The following KAT6B variants were observed in gnomAD, a reference collection of about 807,000 sequenced individuals.
KAT6B encodes the protein histone acetyltransferase KAT6B.
Under a neutral mutation model 187.5 loss-of-function variants are expected in KAT6B, and 10 were observed. That is an observed-to-expected ratio of 0.05 (90% CI 0.03 to 0.09). The LOEUF is 0.09. Among genes scored for constraint, KAT6B ranks in the 10% least tolerant of loss-of-function variants. The pLI, the probability that KAT6B is intolerant of heterozygous loss-of-function variation, is 1.00. For synonymous variants in KAT6B, 861 were observed against 926.8 expected (o/e 0.93, Z 1.29); for missense variants, 1,952 against 2,558.9 (o/e 0.76, Z 5.12).
intron 3 of KAT6B, among the ~76,000 whole-genome samples, chr10:74,910,246 C>CAAGA (rs1847104224): frequency 6.6e-6 from 1 of 152,154 alleles, no homozygotes; most frequent in Non-Finnish European, 1.5e-5. Flanking sequence ...TGCGGTGAGC[C>CAAGA]AAGATCGTGC....
intron 6 of KAT6B, among the ~76,000 whole-genome samples, chr10:74,971,403 T>C (rs1244929073): frequency 6.6e-6 from 1 of 152,146 alleles, no homozygotes; most frequent in Non-Finnish European, 1.5e-5. Context: ...CTAAGACACA[T>C]TTTTTTAATG....
intron 3 of KAT6B, among the ~76,000 whole-genome samples, chr10:74,910,982 G>A (rs1847162492): frequency 6.6e-6 from 1 of 152,092 alleles, no homozygotes; most frequent in African/African-American, 2.4e-5. Context: ...CTTCTTGGAA[G>A]AATATATTTT....
At chr10:75,024,856 G>GTT (rs1845697336) in intron 16 of KAT6B, 102 bp from the exon 17 acceptor site, 1 of 1,098,148 alleles carries the variant, frequency 9.1e-7, no homozygotes, top group East Asian at 2.5e-5. Context: ...GTCACCACGT[G>GTT]TAAGATTCTC....
chr10:74,917,632 A>T (rs1234464464), intron 3 of KAT6B, among the ~76,000 whole-genome samples: 1 of 152,226 alleles, frequency 6.6e-6, no homozygotes, highest in African/African-American at 2.4e-5. Context: ...AGTAATGCTA[A>T]AACAATGTAG....
chr10:74,903,247 C>G (rs1371177101), intron 3 of KAT6B, among the ~76,000 whole-genome samples: 1 of 152,232 alleles, frequency 6.6e-6, no homozygotes, highest in East Asian at 1.9e-4. Flanking sequence ...TGACCCTGCC[C>G]TTTGTATTAT....
intron 3 of KAT6B, among the ~76,000 whole-genome samples, chr10:74,889,774 C>T (rs573533986): frequency 5.8e-4 from 89 of 152,318 alleles, no homozygotes; most frequent in African/African-American, 2.1e-3. Context: ...AGGAGATGAC[C>T]TGCCATAGGT....
At chr10:74,915,296 A>G (rs1847593451) in intron 3 of KAT6B, among the ~76,000 whole-genome samples, 4 of 152,146 alleles carry the variant, frequency 2.6e-5, no homozygotes, top group African/African-American at 9.7e-5. Flanking sequence ...TCTTCACCCC[A>G]TTGCACATCC....
chr10:74,917,363 C>T (rs75925820), intron 3 of KAT6B, among the ~76,000 whole-genome samples: 4,792 of 152,218 alleles, frequency 0.031, 116 homozygotes, highest in Middle Eastern at 0.048. Context: ...TGACTTTCAC[C>T]GGTTTTTCAC....
chr10:74,824,943 G>A (rs1246502983), upstream of KAT6B, among the ~76,000 whole-genome samples: 1 of 149,526 alleles, frequency 6.7e-6, no homozygotes, highest in Non-Finnish European at 1.5e-5. Context: ...CCCAGAACGC[G>A]GCTGAGCTCG....
chr10:74,984,953 GTT>G (rs1842725858), intron 11 of KAT6B, 125 bp from the exon 12 acceptor site: 4 of 875,392 alleles, frequency 4.6e-6, no homozygotes, highest in Non-Finnish European at 7.4e-6. Context: ...TTAATAGAGT[GTT>G]TTAATCTCTC....
intron 3 of KAT6B, among the ~76,000 whole-genome samples, chr10:74,850,846 C>T (rs1003200136): frequency 2.0e-5 from 3 of 152,130 alleles, no homozygotes; most frequent in Non-Finnish European, 4.4e-5. Context: ...AAAATAAATT[C>T]CATAGTATTT....
At chr10:74,984,479 G>A (rs965187307) in intron 11 of KAT6B, 1 of 153,816 alleles carries the variant, frequency 6.5e-6, no homozygotes, top group African/African-American at 2.4e-5. Flanking sequence ...TGTAATCATA[G>A]TGCTTATTGT....
chr10:74,882,138 T>C (rs1178581087), intron 3 of KAT6B, among the ~76,000 whole-genome samples: 1 of 152,242 alleles, frequency 6.6e-6, no homozygotes, highest in South Asian at 2.1e-4. Context: ...TTAACTTCAC[T>C]TAAGAGCTGA....
At chr10:74,849,661 A>G (rs1041839569) in intron 3 of KAT6B, among the ~76,000 whole-genome samples, 1 of 152,272 alleles carries the variant, frequency 6.6e-6, no homozygotes, top group African/African-American at 2.4e-5. Context: ...AATGTAAAAC[A>G]AAATAAAAAT....
rs756912762 is a variant in KAT6B at position 74,843,241 on chromosome 10, C to T, written c.384C>T (p.Asn128=). ...LEEPNGSSLK[N]IEKYLRSQSD... ...AGCCGAATGGCTCCTCCCTGAAGAACATAGAGAAGTATCTCAGAAGTCAAA... is the reference window on the plus strand; with the variant it reads ...AGCCGAATGGCTCCTCCCTGAAGAATATAGAGAAGTATCTCAGAAGTCAAA... Residue 128 remains asparagine (N), a synonymous_variant, in exon 3 of 18, where the codon AAC becomes AAT. Coordinates refer to ENST00000287239, the MANE Select transcript of KAT6B (RefSeq NM_012330.4). 3.1e-6 allele frequency: 5 copies of T among 1,614,102 alleles called. No homozygotes were observed. In the Admixed American group the frequency reaches 8.3e-5, roughly 27 times the overall value.
chr10:74,937,357 A>G (rs1313916263), intron 3 of KAT6B, among the ~76,000 whole-genome samples: 1 of 152,238 alleles, frequency 6.6e-6, no homozygotes, highest in African/African-American at 2.4e-5. Flanking sequence ...CAACATCATC[A>G]TCATAATAGT....
intron 4 of KAT6B, among the ~76,000 whole-genome samples, chr10:74,968,051 G>C (rs1183135297): frequency 6.6e-6 from 1 of 152,174 alleles, no homozygotes; most frequent in Non-Finnish European, 1.5e-5. Context: ...TTAAATTGCT[G>C]TTCTTTAAAA....
intron 3 of KAT6B, among the ~76,000 whole-genome samples, chr10:74,925,752 T>A (rs1380138936): frequency 6.6e-6 from 1 of 152,238 alleles, no homozygotes; most frequent in African/African-American, 2.4e-5. Flanking sequence ...GTGTTATCAC[T>A]ATTGTTTGGG....
intron 13 of KAT6B, among the ~76,000 whole-genome samples, chr10:74,997,232 A>AC (rs938723653): frequency 1.9e-4 from 10 of 53,518 alleles, no homozygotes; most frequent in East Asian, 6.0e-4. Flanking sequence ...TGTTCTCCCC[A>AC]CCCCCCCATT....
Sources: gnomAD v4.1 joint callset for allele counts (sites outside exome capture counted in the v4.1 genomes callset) on GRCh38, gnomAD v4.1.1 for gene constraint, MANE v1.5 for transcripts, NCBI Gene and HGNC (gene_info 2026-07-23, HGNC 2026-07-21) for gene names.